The following ATG2B variants were observed in gnomAD, a reference collection of about 807,000 sequenced individuals.
ATG2B encodes the protein autophagy-related protein 2 homolog B.
Under a neutral mutation model 241.3 loss-of-function variants are expected in ATG2B, and 121 were observed. The ratio of observed to expected loss-of-function variants is 0.50; its 90% confidence interval spans 0.43 to 0.58. The LOEUF (loss-of-function observed/expected upper bound fraction) is 0.58, where lower values mean the gene tolerates loss of function less well. Ranked by LOEUF, ATG2B falls within the 20% of genes least tolerant of loss-of-function variation. The pLI is 0.00. For synonymous variants in ATG2B, 858 were observed against 876.6 expected, an observed-to-expected ratio of 0.98 and a Z score of 0.37; for missense variants, 2,306 against 2,491.6, an observed-to-expected ratio of 0.93 and a Z score of 1.59.
In ATG2B at chr14:96,285,965, C is replaced by T. The variant is rs1366093585; in HGVS notation, c.6027G>A (p.Gln2009=). 6.2e-7 allele frequency: 1 copy of T among 1,613,402 alleles called. No individual in the cohort carries two copies. The highest frequency in any genetic ancestry group is 1.1e-5 in the South Asian group (1 of 90,906). ...VVKEGITDTA[Q]TIYETAAREH... ...CTCGAGCCGCAGTTTCATAAATGGTCTGAGCCGTGTCTGTGATTCCCTGCG... is the reference window on the plus strand; with the variant it reads ...CTCGAGCCGCAGTTTCATAAATGGTTTGAGCCGTGTCTGTGATTCCCTGCG... The change falls in exon 42 of 42, where the codon CAG becomes CAA. Residue 2009 remains glutamine (Q), a synonymous_variant. Coordinates refer to ENST00000359933, the MANE Select transcript of ATG2B (RefSeq NM_018036.7). The surrounding 1 kb of genome is among the most constrained non-coding windows in gnomAD (Gnocchi z 4.2).
chr14:96,298,128 A>G (rs985576187), intron 34 of ATG2B, among the ~76,000 whole-genome samples: 1 of 152,220 alleles, frequency 6.6e-6, no homozygotes, highest in South Asian at 2.1e-4. Flanking sequence ...AGCAAGACAC[A>G]GACACTTCAG....
rs1293822162 is a variant in ATG2B, at chr14:96,281,187, C to G, written c.*4568G>C. 6.6e-6 allele frequency: 1 copy of G among 152,130 alleles called. No individual in the cohort carries two copies. The highest frequency in any genetic ancestry group is 1.5e-5 in the Non-Finnish European group (1 of 68,030). The allele number at this position is 152,130 out of a possible 1,614,324, so 9.4% of individuals were successfully genotyped here. On this transcript the variant is annotated 3_prime_UTR_variant, in exon 42 of 42. Coordinates refer to ENST00000359933, the MANE Select transcript of ATG2B (RefSeq NM_018036.7). ...AACAAGGTCTGAGGCAGATGTACAC[C>G]CCACCCCAATAAGTATTTTACACAA... is the stretch of plus-strand genomic sequence containing the variant.
At chr14:96,350,387 GAAC>G (rs1485455171) in intron 1 of ATG2B, among the ~76,000 whole-genome samples, 1 of 152,122 alleles carries the variant, frequency 6.6e-6, no homozygotes, top group Non-Finnish European at 1.5e-5. Flanking sequence ...AATCATGGAA[GAAC>G]AACATGACAG....
rs1265116980 is a variant in ATG2B, at chr14:96,328,348, A to G, written c.2162T>C (p.Leu721Pro). The G allele has an allele frequency of 2.5e-6, 4 of 1,598,230 alleles. No homozygotes were observed. Among genetic ancestry groups the G allele is most frequent in the Non-Finnish European group, 3.4e-6 (4 of 1,172,004 alleles). Reference protein sequence around the residue: ...MYTSYNKHISLHKAFTEVFLD... With the variant: ...MYTSYNKHISPHKAFTEVFLD... ...TATTTGCAGCTTTTGAATACTTACC[A>G]GACTAATATGTTTATTATATGAAGT... The change falls in exon 14 of 42, where the codon CTG becomes CCG. Residue 721 changes from leucine to proline, a missense_variant and splice_region_variant. Physicochemically the swap from Leu to Pro is moderately conservative, Grantham distance 98 (BLOSUM62 -3). Transcript: ENST00000359933.
intron 28 of ATG2B, 33 bp downstream of exon 28, chr14:96,311,083 GC>G: frequency 1.3e-6 from 2 of 1,554,186 alleles, no homozygotes; most frequent in Non-Finnish European, 1.7e-6. Context: ...TCACGACATG[GC>G]AGGGACTGGA....
intron 18 of ATG2B, among the ~76,000 whole-genome samples, chr14:96,321,333 G>C (rs1887451210): frequency 6.6e-6 from 1 of 152,282 alleles, no homozygotes; most frequent in African/African-American, 2.4e-5. Context: ...CAAACACTAA[G>C]GACTTCTTTT....
intron 32 of ATG2B, among the ~76,000 whole-genome samples, chr14:96,303,806 C>T (rs1476962932): frequency 6.6e-6 from 1 of 152,106 alleles, no homozygotes; most frequent in African/African-American, 2.4e-5. Context: ...TCTATTTGAC[C>T]TTGGTAAAAT....
At chr14:96,287,273 A>AAAAG (rs58010876) in intron 41 of ATG2B, among the ~76,000 whole-genome samples, 3 of 149,752 alleles carry the variant, frequency 2.0e-5, no homozygotes, top group Non-Finnish European at 3.0e-5. Flanking sequence ...AAAAAAAAAA[A>AAAAG]CGTGTCCAGA....
chr14:96,322,626 C>A lies in ATG2B; in HGVS notation c.2650G>T (p.Ala884Ser), dbSNP rs747836541. ...TCACAAACATCTTTCAAGGAATGAG[C>A]ACCTCCTTCCTCTTCCTCCTGGTAG... ...GHYQEEEEGG[A>S]HSLKDVCDLR... is the part of the protein sequence containing the mutation. The change falls in exon 17 of 42, where the codon GCT (alanine) becomes TCT (serine). Residue 884 changes from alanine to serine, a missense_variant. Ala to Ser is a moderately conservative substitution (Grantham distance 99). This residue lies in a region of ATG2B where 1,927 missense variants were observed against 2,011.2 expected (regional missense o/e 0.96). Coordinates refer to ENST00000359933, the MANE Select transcript of ATG2B (RefSeq NM_018036.7). 1.9e-6 allele frequency: 3 copies of A among 1,613,258 alleles called. No individual in the cohort carries two copies. Among genetic ancestry groups the A allele is most frequent in the Non-Finnish European group, 2.5e-6 (3 of 1,179,448 alleles).
At chr14:96,292,446 TTATA>T (rs1043891948) in intron 36 of ATG2B, among the ~76,000 whole-genome samples, 10 of 152,152 alleles carry the variant, frequency 6.6e-5, no homozygotes, top group Admixed American at 6.5e-4. Flanking sequence ...AAATTTATTC[TTATA>T]TATATTCACA....
chr14:96,293,973 TA>T (rs2139839331), intron 36 of ATG2B, among the ~76,000 whole-genome samples: 1 of 152,338 alleles, frequency 6.6e-6, no homozygotes, highest in Non-Finnish European at 1.5e-5. Flanking sequence ...CATGTTTTTG[TA>T]AAAATAAAAG....
rs12890228 is a variant in ATG2B, at chr14:96,358,256, T to A, written c.162+4559A>T. ...GTCAAGATCAGCCTGGGCAACATAG[T>A]GAAATCCGGTCTCTACAAAAATTAA... On this transcript the variant is annotated intron_variant, in intron 1 of 41. Transcript: ENST00000359933. 6.5e-3 allele frequency among the ~76,000 whole-genome samples: 988 copies of A among 152,044 alleles called. 7 individuals carry two copies. The highest frequency in any genetic ancestry group is 0.01 in the Non-Finnish European group (687 of 67,982).
chr14:96,328,400 C>T lies in ATG2B; in HGVS notation c.2110G>A (p.Val704Ile). The T allele has an allele frequency of 1.2e-6, 2 of 1,613,590 alleles. No individual in the cohort carries two copies. Among genetic ancestry groups the T allele is most frequent in the Non-Finnish European group, 1.7e-6 (2 of 1,179,750 alleles). ...SLLQPQKLAT[V>I]EMMASHMYTS... is the part of the protein sequence containing the mutation. ...TACATGTGGGATGCCATCATCTCTA[C>T]TGTGGCAAGTTTCTGTGGTTGAAGC... Residue 704 changes from valine to isoleucine, a missense_variant, in exon 14 of 42, where the codon GTA becomes ATA. By Grantham distance (29) the Val-to-Ile change is conservative (BLOSUM62 3). This residue lies in a region of ATG2B where 1,927 missense variants were observed against 2,011.2 expected (regional missense o/e 0.96). Transcript: ENST00000359933.
chr14:96,316,679 T>A lies in ATG2B; in HGVS notation c.3215A>T (p.Asp1072Val). ...CTTGTTTTCCAACAGATCTCCATTATCTTGCTAGTAAAAAGATCAGAAAAA... is the reference window on the plus strand; with the variant it reads ...CTTGTTTTCCAACAGATCTCCATTAACTTGCTAGTAAAAAGATCAGAAAAA... Reference protein sequence around the residue: ...LIAVFTDVKQDNGDLLENKHG... With the variant: ...LIAVFTDVKQVNGDLLENKHG... Residue 1072 changes from aspartate to valine, a missense_variant, in exon 21 of 42, where the codon GAT becomes GTT. This residue lies in a region of ATG2B where 1,927 missense variants were observed against 2,011.2 expected (regional missense o/e 0.96). Transcript: ENST00000359933. 1 of 1,604,090 alleles carries A rather than the reference T, an allele frequency of 6.2e-7. No homozygotes were observed. The highest frequency in any genetic ancestry group is 8.5e-7 in the Non-Finnish European group (1 of 1,176,852).
Position 96,285,246 on chromosome 14 carries a change from T to C in ATG2B, c.*509A>G, listed in dbSNP as rs1886303205. ...TCGGAGTAAATGGAAATAATGTTGT[T>C]CTCAAGTGCATGAACACTAAATTCA... is the stretch of plus-strand genomic sequence containing the variant. On this transcript the variant is annotated 3_prime_UTR_variant, in exon 42 of 42. Transcript: ENST00000359933. The surrounding 1 kb of genome is among the most constrained non-coding windows in gnomAD (Gnocchi z 4.2). 6.4e-6 allele frequency: 1 copy of C among 155,626 alleles called. No homozygotes were observed. Among genetic ancestry groups the C allele is most frequent in the Non-Finnish European group, 1.4e-5 (1 of 69,982 alleles). 9.6% of individuals were successfully genotyped at this position (155,626 alleles called of 1,614,324 possible).
chr14:96,308,241 T>TATATATATAC (rs1220150312), intron 29 of ATG2B, among the ~76,000 whole-genome samples: 7 of 14,932 alleles, frequency 4.7e-4, no homozygotes, highest in Non-Finnish European at 1.1e-3. Flanking sequence ...CATATATATA[T>TATATATATAC]ATATATATAT....
chr14:96,313,335 T>C lies in ATG2B; in HGVS notation c.3743A>G (p.Asp1248Gly). The C allele has an allele frequency of 6.3e-7, 1 of 1,575,816 alleles. No individual in the cohort carries two copies. The highest frequency in any genetic ancestry group is 1.2e-5 in the South Asian group (1 of 84,538). Residue 1248 changes from aspartate to glycine, a missense_variant, in exon 24 of 42, where the codon GAT becomes GGT. This residue lies in a region of ATG2B where 1,927 missense variants were observed against 2,011.2 expected (regional missense o/e 0.96). Transcript: ENST00000359933. The stretch of plus-strand genomic sequence containing the variant: ...GTTCCATTTGTGAACTTACCTATAA[T>C]CAAGTGCACAGCTCCAAAGATGAAC... The part of the protein sequence containing the change: ...FHVHLWSCAL[D>G]YRPLYLPIRS...
intron 23 of ATG2B, among the ~76,000 whole-genome samples, 182 bp from the exon 24 acceptor site, chr14:96,313,617 A>G (rs1887224576): frequency 6.6e-6 from 1 of 152,190 alleles, no homozygotes; most frequent in African/African-American, 2.4e-5. Context: ...TACTTGCATC[A>G]GAAAAGAAGG....
intron 30 of ATG2B, among the ~76,000 whole-genome samples, chr14:96,306,440 C>T (rs1055400417): frequency 6.6e-6 from 1 of 152,180 alleles, no homozygotes; most frequent in Non-Finnish European, 1.5e-5. Flanking sequence ...CATTTAATTT[C>T]ACGATCCTTG....
Sources: gnomAD v4.1 joint callset for allele counts (sites outside exome capture counted in the v4.1 genomes callset) on GRCh38, gnomAD v4.1.1 for gene constraint, gnomAD v4.1.1 regional missense constraint, Gnocchi (gnomAD v3.1) non-coding constraint, MANE v1.5 for transcripts, NCBI Gene and HGNC (gene_info 2026-07-23, HGNC 2026-07-21) for gene names.